The following PDZRN3 variants were observed in gnomAD, a reference collection of about 807,000 sequenced individuals.
PDZRN3 encodes PDZ domain containing ring finger 3.
Under a neutral mutation model 85.7 loss-of-function variants are expected in PDZRN3, and 38 were observed. That is an observed-to-expected ratio of 0.44 (90% CI 0.34 to 0.58). The LOEUF is 0.58. PDZRN3 is among the 20% of genes least tolerant of loss of function. PDZRN3 has a pLI of 0.01. For missense variants in PDZRN3, 1,629 were observed against 1,506.4 expected (o/e 1.08, Z -1.35); for synonymous variants, 759 against 638.0 (o/e 1.19, Z -2.86).
chr3:73,624,854 C>T lies in PDZRN3; in HGVS notation c.-29G>A. The T allele has an allele frequency of 3.2e-6, 4 of 1,267,172 alleles. No homozygotes were observed. The highest frequency in any genetic ancestry group is 9.9e-7 in the Non-Finnish European group (1 of 1,008,818). 78.5% of individuals were successfully genotyped at this position (1,267,172 alleles called of 1,614,324 possible). On this transcript the variant is annotated 5_prime_UTR_variant, in exon 1 of 10. Transcript: ENST00000263666. ...GGCGGCCAGGCCCCGGGGTCGCCGC[C>T]GGGCGGCCGGGCGCCCCCTCCCTCC...
chr3:73,569,195 G>A (rs1413421503), intron 3 of PDZRN3: 1 of 1,289,430 alleles, frequency 7.8e-7, no homozygotes, highest in East Asian at 5.6e-5. Context: ...GATTCATCAG[G>A]AGGAATCAGA....
In PDZRN3 at chr3:73,422,490, T is replaced by G. The variant is rs1227525976; in HGVS notation, c.919-18095A>C. Among the ~76,000 whole-genome samples the G allele has an allele frequency of 2.6e-5, 4 of 152,230 alleles. No homozygotes were observed. In the East Asian group the frequency reaches 7.7e-4, roughly 29 times the overall value. ...CAAAAGCTATTTATCTTTGTTCTTA[T>G]GAGGACAGGAAAAAAAATCACTGAA... On this transcript the variant is annotated intron_variant, in intron 3 of 9. Coordinates refer to ENST00000263666, the MANE Select transcript of PDZRN3 (RefSeq NM_015009.3).
At chr3:73,522,731 T>G (rs1411736971) in intron 3 of PDZRN3, among the ~76,000 whole-genome samples, 1 of 151,646 alleles carries the variant, frequency 6.6e-6, no homozygotes, top group East Asian at 2.0e-4. Context: ...CCACCATGCC[T>G]GGCCAAAACG....
At chr3:73,390,943 G>T in intron 6 of PDZRN3, 75 bp downstream of exon 6, 1 of 857,466 alleles carries the variant, frequency 1.2e-6, no homozygotes, top group South Asian at 1.5e-5. Flanking sequence ...AGGTGGGTTA[G>T]GGTTGGTGAA....
intron 3 of PDZRN3, among the ~76,000 whole-genome samples, chr3:73,454,657 GGCCAAGAATAATATT>G (rs1702942779): frequency 6.6e-6 from 1 of 152,166 alleles, no homozygotes; most frequent in Admixed American, 6.5e-5. Flanking sequence ...GGACCAAGGA[GGCCAAGAATAATATT>G]GACCATTAAT....
At chr3:73,426,414 T>C (rs1375926899) in intron 3 of PDZRN3, among the ~76,000 whole-genome samples, 1 of 152,222 alleles carries the variant, frequency 6.6e-6, no homozygotes, top group African/African-American at 2.4e-5. Flanking sequence ...GAAAATTTTA[T>C]ATATTCTCTC....
intron 3 of PDZRN3, among the ~76,000 whole-genome samples, chr3:73,440,019 T>A (rs1483419425): frequency 6.6e-6 from 1 of 152,050 alleles, no homozygotes; most frequent in African/African-American, 2.4e-5. Context: ...ATTACAGGCA[T>A]GAGCCACCGC....
chr3:73,540,167 T>A (rs1436375201), intron 3 of PDZRN3, among the ~76,000 whole-genome samples: 7 of 149,612 alleles, frequency 4.7e-5, no homozygotes, highest in African/African-American at 7.4e-5. Context: ...AGAAAAATTT[T>A]AAAAAAATTC....
intron 3 of PDZRN3, among the ~76,000 whole-genome samples, chr3:73,442,552 A>G (rs1702660089): frequency 6.6e-6 from 1 of 152,238 alleles, no homozygotes; most frequent in Non-Finnish European, 1.5e-5. Context: ...AGGTGTTACA[A>G]ATCCTCGAGG....
intron 3 of PDZRN3, among the ~76,000 whole-genome samples, chr3:73,572,680 T>C (rs1702061678): frequency 6.6e-6 from 1 of 152,210 alleles, no homozygotes; most frequent in African/African-American, 2.4e-5. Context: ...GGAGCAGCAC[T>C]GTCCAGAGAC....
At chr3:73,481,247 T>C (rs1703555230) in intron 3 of PDZRN3, among the ~76,000 whole-genome samples, 1 of 152,210 alleles carries the variant, frequency 6.6e-6, no homozygotes, top group African/African-American at 2.4e-5. Context: ...AGCCAGGAGT[T>C]TATCACTTCA....
intron 3 of PDZRN3, among the ~76,000 whole-genome samples, chr3:73,582,440 C>T (rs1293683719): frequency 6.6e-6 from 1 of 152,034 alleles, no homozygotes; most frequent in African/African-American, 2.4e-5. Flanking sequence ...TTGCTGTGTA[C>T]AAATTCTCAA....
chr3:73,576,866 T>C (rs1702131796), intron 3 of PDZRN3, among the ~76,000 whole-genome samples: 1 of 151,958 alleles, frequency 6.6e-6, no homozygotes, highest in Non-Finnish European at 1.5e-5. Context: ...GGAGAAACAA[T>C]GAGACTAAAT....
In PDZRN3 at chr3:73,383,124, C is replaced by T; in HGVS notation, c.*241G>A. 1 of 445,884 alleles carries T rather than the reference C, an allele frequency of 2.2e-6. No homozygotes were observed. The highest frequency in any genetic ancestry group is 5.3e-5 in the South Asian group (1 of 18,704). 27.6% of individuals were successfully genotyped at this position (445,884 alleles called of 1,614,324 possible). On this transcript the variant is annotated 3_prime_UTR_variant, in exon 10 of 10. Coordinates refer to ENST00000263666, the MANE Select transcript of PDZRN3 (RefSeq NM_015009.3). ...GTAAAAGGGTACAGGTAGAAAAGTACAATTGCTATTTGAAAAAAGCTCTGT... is the reference window on the plus strand; with the variant it reads ...GTAAAAGGGTACAGGTAGAAAAGTATAATTGCTATTTGAAAAAAGCTCTGT...
At chr3:73,460,868 A>G (rs1050496831) in intron 3 of PDZRN3, among the ~76,000 whole-genome samples, 2 of 152,080 alleles carry the variant, frequency 1.3e-5, no homozygotes, top group East Asian at 1.9e-4. Flanking sequence ...ATCTCGGCTC[A>G]CTGCAACCTC....
chr3:73,434,751 T>A (rs1407472194), intron 3 of PDZRN3, among the ~76,000 whole-genome samples: 1 of 152,214 alleles, frequency 6.6e-6, no homozygotes, highest in Non-Finnish European at 1.5e-5. Context: ...CCTCTGAAGC[T>A]GTGCCCCAAG....
chr3:73,569,742 T>TGGGCTGGACTA (rs1208149470), intron 3 of PDZRN3, among the ~76,000 whole-genome samples: 1 of 152,202 alleles, frequency 6.6e-6, no homozygotes, highest in Non-Finnish European at 1.5e-5. Context: ...GTCCAGGCGC[T>TGGGCTGGACTA]GGGCTGGACT....
intron 9 of PDZRN3, 97 bp downstream of exon 9, chr3:73,385,572 T>C: frequency 1.4e-6 from 1 of 735,350 alleles, no homozygotes; most frequent in South Asian, 1.7e-5. Context: ...GTGGATGGAC[T>C]TCTGATGGTC....
intron 3 of PDZRN3, among the ~76,000 whole-genome samples, chr3:73,538,249 C>T (rs1704836627): frequency 6.6e-6 from 1 of 152,232 alleles, no homozygotes; most frequent in South Asian, 2.1e-4. Context: ...TCTCTAATTA[C>T]TTCTGAATGA....
Sources: gnomAD v4.1 joint callset for allele counts (sites outside exome capture counted in the v4.1 genomes callset) on GRCh38, gnomAD v4.1.1 for gene constraint, MANE v1.5 for transcripts, NCBI Gene and HGNC (gene_info 2026-07-23, HGNC 2026-07-21) for gene names.